Variants in SSX2IP observed in about 807,000 individuals in gnomAD.
The protein encoded by SSX2IP is afadin- and alpha-actinin-binding protein.
A neutral mutation model predicts 84.9 loss-of-function variants in SSX2IP; 55 were observed. That is an observed-to-expected ratio of 0.65 (90% CI 0.52 to 0.81). The LOEUF is 0.81. SSX2IP is among the 30% of genes least tolerant of loss of function. The probability of loss-of-function intolerance (pLI) is 0.00; values close to 1 mark genes in which losing one functional copy is unlikely to be tolerated. For synonymous variants in SSX2IP, 239 were observed against 234.7 expected, an observed-to-expected ratio of 1.02 and a Z score of -0.17; for missense variants, 664 against 705.2, an observed-to-expected ratio of 0.94 and a Z score of 0.66.
rs1649304787 is a variant in SSX2IP, at chr1:84,644,964, G to A, written c.*2469C>T. ...TTGTTTCTCATCATAGACTGCAGAT[G>A]CAAACATTTAATGGTGAACAAAATG... is the stretch of plus-strand genomic sequence containing the variant. On this transcript the variant is annotated 3_prime_UTR_variant, in exon 14 of 14. Coordinates refer to ENST00000342203, the MANE Select transcript of SSX2IP (RefSeq NM_001166293.2). 1.3e-5 allele frequency: 2 copies of A among 152,154 alleles called. No individual in the cohort carries two copies. Among genetic ancestry groups the A allele is most frequent in the African/African-American group, 4.8e-5 (2 of 41,428 alleles). The allele number at this position is 152,154 out of a possible 1,614,324, so 9.4% of individuals were successfully genotyped here.
chr1:84,655,827 A>G lies in SSX2IP; in HGVS notation c.1389+5T>C. On this transcript the variant is annotated splice_donor_5th_base_variant and intron_variant, in intron 11 of 13. Transcript: ENST00000342203. ...TTTCAAAAGCACTACAATTGTTTAA[A>G]ATACCTCCAATCCCAGGCGAATAGC... 1 of 1,612,190 alleles carries G rather than the reference A, an allele frequency of 6.2e-7. No homozygotes were observed. The highest frequency in any genetic ancestry group is 1.1e-5 in the South Asian group (1 of 90,944).
intron 12 of SSX2IP, 130 bp from the exon 13 acceptor site, chr1:84,650,657 TATC>T: frequency 1.0e-6 from 1 of 975,230 alleles, no homozygotes; most frequent in South Asian, 1.5e-5. Context: ...TCAAATTAAT[TATC>T]ATTAATCTTG....
At chr1:84,679,093 G>A (rs959293380) in intron 1 of SSX2IP, among the ~76,000 whole-genome samples, 1 of 152,128 alleles carries the variant, frequency 6.6e-6, no homozygotes, top group Admixed American at 6.5e-5. Context: ...GGGTTAAGAA[G>A]ATAAAACTAA....
At chr1:84,655,535 A>G in intron 11 of SSX2IP, 1 of 1,357,758 alleles carries the variant, frequency 7.4e-7, no homozygotes, top group Non-Finnish European at 9.7e-7. Flanking sequence ...TGGATGAATG[A>G]TGGATACCCA....
chr1:84,650,544 A>G lies in SSX2IP; in HGVS notation c.1505-17T>C. Reference sequence around the variant, plus strand: ...AATCAGAACCTGTTGTAAAACAAGTAAGAGAAAAAGGCAGTACATATGGTG... The same window carrying G: ...AATCAGAACCTGTTGTAAAACAAGTGAGAGAAAAAGGCAGTACATATGGTG... On this transcript the variant is annotated splice_polypyrimidine_tract_variant and intron_variant, in intron 12 of 13. Coordinates refer to ENST00000342203, the MANE Select transcript of SSX2IP (RefSeq NM_001166293.2). The G allele has an allele frequency of 6.2e-7, 1 of 1,613,954 alleles. No homozygotes were observed.
In SSX2IP at chr1:84,646,509, A is replaced by G. The variant is rs1207855275; in HGVS notation, c.*924T>C. On this transcript the variant is annotated 3_prime_UTR_variant, in exon 14 of 14. Transcript: ENST00000342203. ...TACAGATATTACTATACTGGTACCC[A>G]TCTTGTAAGGAAAATATCACCATCT... 2.0e-5 allele frequency: 3 copies of G among 152,600 alleles called. No individual in the cohort carries two copies. The highest frequency in any genetic ancestry group is 2.0e-4 in the Admixed American group (3 of 15,272). The allele number at this position is 152,600 out of a possible 1,614,324, so 9.5% of individuals were successfully genotyped here. A position where few individuals can be genotyped will look rare whatever the true frequency, so the allele number is the denominator to read the frequency against.
At chr1:84,652,068 C>G (rs556979632) in intron 11 of SSX2IP, 71 bp from the exon 12 acceptor site, 1 of 1,103,460 alleles carries the variant, frequency 9.1e-7, no homozygotes, top group Non-Finnish European at 1.4e-6. Context: ...CACATGATTG[C>G]TCTAGCTATC....
At chr1:84,670,524 C>G (rs1479638974) in intron 3 of SSX2IP, 122 bp downstream of exon 3, 2 of 621,274 alleles carry the variant, frequency 3.2e-6, no homozygotes, top group South Asian at 2.9e-5. Flanking sequence ...CTCTGAAAAT[C>G]TAAGTCTCAG....
At position 84,670,714 on chromosome 1, in the gene SSX2IP, C is replaced by T. The variant is rs750596041; in HGVS notation, c.145G>A (p.Val49Met). The T allele has an allele frequency of 6.2e-6, 10 of 1,612,940 alleles. No individual in the cohort carries two copies. In the South Asian group the frequency reaches 1.1e-4, roughly 18 times the overall value. ...LCSSIPLSKN[V>M]HSFFSAFCTE... ...CAGAAGGCACTGAAAAAACTGTGCA[C>T]ATTTTTCGATAAAGGTATTGAAGAA... is the stretch of plus-strand genomic sequence containing the variant. The change falls in exon 3 of 14, where the codon GTG becomes ATG. Residue 49 changes from valine to methionine, a missense_variant. Transcript: ENST00000342203.
chr1:84,684,642 T>C (rs953781919), intron 1 of SSX2IP, among the ~76,000 whole-genome samples: 5 of 152,102 alleles, frequency 3.3e-5, no homozygotes, highest in African/African-American at 1.2e-4. Flanking sequence ...TGCCTACGTA[T>C]GCCAGGAGGT....
chr1:84,663,311 C>G (rs1652300566), intron 6 of SSX2IP, among the ~76,000 whole-genome samples: 1 of 152,180 alleles, frequency 6.6e-6, no homozygotes, highest in Admixed American at 6.5e-5. Flanking sequence ...TGGAAGAGCT[C>G]TGTTTCCAGA....
chr1:84,655,889 CTTTTTCTGCTCT>C lies in SSX2IP; in HGVS notation c.1320_1331del (p.Glu441_Lys444del). 1.2e-6 allele frequency: 2 copies of C among 1,613,994 alleles called. No individual in the cohort carries two copies. The highest frequency in any genetic ancestry group is 1.7e-6 in the Non-Finnish European group (2 of 1,179,934). ...AGCTTCGTCTCTCCCTCTCAAAATT[CTTTTTCTGCTCT>C]TTAAAAAGGGACCATTCTTCTTTGA... On this transcript the variant is annotated inframe_deletion, in exon 11 of 14. Transcript: ENST00000342203.
chr1:84,664,342 C>A lies in SSX2IP; in HGVS notation c.673+75G>T, dbSNP rs144893011. The A allele has an allele frequency of 6.7e-4, 888 of 1,329,884 alleles. 14 individuals carry two copies. The East Asian group carries it at 0.023, about 34-fold the overall frequency. 82.4% of individuals were successfully genotyped at this position (1,329,884 alleles called of 1,614,324 possible). ...ATAACATTTCGTGAGTTACTGTGTT[C>A]AATCCTTTTACAATTATTTCTAAGC... is the stretch of plus-strand genomic sequence containing the variant. On this transcript the variant is annotated intron_variant, in intron 6 of 13. Transcript: ENST00000342203.
intron 8 of SSX2IP, among the ~76,000 whole-genome samples, chr1:84,661,469 T>TTC (rs777560939): frequency 6.6e-6 from 1 of 152,294 alleles, no homozygotes; most frequent in Non-Finnish European, 1.5e-5. Context: ...AAATGTCACT[T>TTC]TCTCTGTGAT....
intron 6 of SSX2IP, among the ~76,000 whole-genome samples, chr1:84,663,361 C>T (rs534328112): frequency 6.6e-6 from 1 of 152,274 alleles, no homozygotes; most frequent in African/African-American, 2.4e-5. Flanking sequence ...ACACTTTATA[C>T]TTTCAGCATT....
intron 8 of SSX2IP, among the ~76,000 whole-genome samples, chr1:84,659,592 G>A (rs1651623541): frequency 6.6e-6 from 1 of 152,022 alleles, no homozygotes; most frequent in South Asian, 2.1e-4. Flanking sequence ...GAGGTCAAGA[G>A]ATCGAAACCA....
At chr1:84,669,918 A>G in intron 3 of SSX2IP, 25 bp from the exon 4 acceptor site, 2 of 1,588,882 alleles carry the variant, frequency 1.3e-6, no homozygotes, top group Admixed American at 3.4e-5. Flanking sequence ...TGTTTTCTTA[A>G]AGTTGGTTAC....
At chr1:84,664,359 T>C in intron 6 of SSX2IP, 58 bp downstream of exon 6, 1 of 1,414,788 alleles carries the variant, frequency 7.1e-7, no homozygotes, top group East Asian at 2.6e-5. Context: ...TTTACAATTA[T>C]TTCTAAGCAT....
intron 12 of SSX2IP, among the ~76,000 whole-genome samples, chr1:84,650,938 T>A (rs965236866): frequency 1.3e-5 from 2 of 152,040 alleles, no homozygotes; most frequent in Non-Finnish European, 2.9e-5. Context: ...ATCTCCTGAC[T>A]TCGTGATCCA....
Sources: gnomAD v4.1 joint callset for allele counts (sites outside exome capture counted in the v4.1 genomes callset) on GRCh38, gnomAD v4.1.1 for gene constraint, MANE v1.5 for transcripts, NCBI Gene and HGNC (gene_info 2026-07-23, HGNC 2026-07-21) for gene names.